The following SCRG1 variants were observed in gnomAD, a reference collection of about 807,000 sequenced individuals.
SCRG1 encodes stimulator of chondrogenesis 1.
Under a neutral mutation model 7.7 loss-of-function variants are expected in SCRG1, and 3 were observed. The ratio of observed to expected loss-of-function variants is 0.39; its 90% CI spans 0.18 to 1.01. SCRG1 has a LOEUF of 1.01. SCRG1 is among the 50% of genes least tolerant of loss of function. The probability of loss-of-function intolerance (pLI) is 0.36; values close to 1 mark genes in which losing one functional copy is unlikely to be tolerated. For synonymous variants in SCRG1, 46 were observed against 41.2 expected (o/e 1.12, Z -0.44); for missense variants, 110 against 117.2 (o/e 0.94, Z 0.28).
the SCRG1 span, among the ~76,000 whole-genome samples, chr4:173,447,683 G>GT: frequency 6.6e-6 from 1 of 151,994 alleles, no homozygotes; most frequent in South Asian, 2.1e-4. Flanking sequence ...CTCACTTTTA[G>GT]TTTCCAATTT....
At chr4:173,449,110 G>A in the SCRG1 span, among the ~76,000 whole-genome samples, 1 of 152,170 alleles carries the variant, frequency 6.6e-6, no homozygotes, top group African/African-American at 2.4e-5. Context: ...GGTCGTTTAG[G>A]CAATGTAGGA....
intron 1 of SCRG1, among the ~76,000 whole-genome samples, chr4:173,396,831 G>A (rs1423975151): frequency 6.6e-6 from 1 of 151,760 alleles, no homozygotes; most frequent in South Asian, 2.1e-4. Context: ...GAGGCGGGCA[G>A]ATCACGAGGT....
At chr4:173,390,472 G>GTT (rs1157046793) in intron 2 of SCRG1, among the ~76,000 whole-genome samples, 62 of 115,444 alleles carry the variant, frequency 5.4e-4, no homozygotes, top group African/African-American at 1.4e-3. Flanking sequence ...GTTGTTGTTC[G>GTT]TTTTTTTTTT....
chr4:173,461,789 T>C, the SCRG1 span, among the ~76,000 whole-genome samples: 1 of 152,084 alleles, frequency 6.6e-6, no homozygotes, highest in East Asian at 1.9e-4. Flanking sequence ...AAATTAGCTG[T>C]GTTGAGAAAA....
chr4:173,485,764 G>A, the SCRG1 span, among the ~76,000 whole-genome samples: 1 of 152,084 alleles, frequency 6.6e-6, no homozygotes, highest in African/African-American at 2.4e-5. Context: ...GAGGTCGTGA[G>A]TTTGAGACCA....
At chr4:173,401,559 C>T (rs1267910846), upstream of SCRG1, among the ~76,000 whole-genome samples, 2 of 152,130 alleles carry the variant, frequency 1.3e-5, no homozygotes, top group African/African-American at 4.8e-5. Context: ...TATTTTGTCT[C>T]CTTGTGTCTG....
At chr4:173,457,468 T>C in the SCRG1 span, among the ~76,000 whole-genome samples, 2 of 152,208 alleles carry the variant, frequency 1.3e-5, no homozygotes, top group African/African-American at 4.8e-5. Context: ...CCATATAACA[T>C]CAAAGAATTG....
chr4:173,435,066 A>T, the SCRG1 span, among the ~76,000 whole-genome samples: 1 of 152,092 alleles, frequency 6.6e-6, no homozygotes, highest in Admixed American at 6.5e-5. Context: ...CAGATTTAGG[A>T]TTCACTATTA....
chr4:173,481,294 T>G, the SCRG1 span, among the ~76,000 whole-genome samples: 1 of 152,268 alleles, frequency 6.6e-6, no homozygotes, highest in South Asian at 2.1e-4. Flanking sequence ...CAGTGAATGG[T>G]TTAAAGTGAA....
chr4:173,446,964 T>A, the SCRG1 span, among the ~76,000 whole-genome samples: 1 of 152,356 alleles, frequency 6.6e-6, no homozygotes, highest in African/African-American at 2.4e-5. Context: ...CTTCAAGGAA[T>A]GTTGCCAGTG....
chr4:173,425,642 G>A, the SCRG1 span, among the ~76,000 whole-genome samples: 686 of 152,278 alleles, frequency 4.5e-3, 4 homozygotes, highest in African/African-American at 0.016. Context: ...GAGACTCTCT[G>A]ATCAGCATGA....
At chr4:173,420,070 C>A in the SCRG1 span, 1 of 602,702 alleles carries the variant, frequency 1.7e-6, no homozygotes, top group South Asian at 1.4e-5. Flanking sequence ...ACCCTTTCAT[C>A]ATCTTCTAAA....
chr4:173,487,795 C>T, the SCRG1 span, among the ~76,000 whole-genome samples: 2 of 151,810 alleles, frequency 1.3e-5, no homozygotes, highest in Non-Finnish European at 2.9e-5. Context: ...TATTTTTCTC[C>T]TTTCTCCATA....
At chr4:173,485,004 A>ATATATAATATATTATATATT in the SCRG1 span, among the ~76,000 whole-genome samples, 1 of 9,418 alleles carries the variant, frequency 1.1e-4, no homozygotes, top group Non-Finnish European at 1.5e-4. Context: ...ATATATTATA[A>ATATATAATATATTATATATT]ATATAATATA....
At chr4:173,465,568 A>G in the SCRG1 span, among the ~76,000 whole-genome samples, 2 of 151,832 alleles carry the variant, frequency 1.3e-5, no homozygotes, top group African/African-American at 2.4e-5. Context: ...TATCATTCCT[A>G]TAATTAAGTT....
chr4:173,413,705 G>A, the SCRG1 span, among the ~76,000 whole-genome samples: 6 of 152,332 alleles, frequency 3.9e-5, no homozygotes, highest in Admixed American at 3.9e-4. Context: ...GGAATCATGT[G>A]AGTGGATGTG....
chr4:173,503,842 T>A, the SCRG1 span, among the ~76,000 whole-genome samples: 1 of 152,172 alleles, frequency 6.6e-6, no homozygotes, highest in South Asian at 2.1e-4. This position sits in a 1 kb window ranked among gnomAD's most constrained non-coding sequence, Gnocchi z 6.4. Context: ...TCCCAACAGC[T>A]TTTAGGAGGG....
the SCRG1 span, among the ~76,000 whole-genome samples, chr4:173,435,178 C>T: frequency 1.3e-5 from 2 of 151,942 alleles, no homozygotes; most frequent in Non-Finnish European, 2.9e-5. Flanking sequence ...GATTCAACTT[C>T]CCCTCCACCA....
chr4:173,409,109 A>G (rs1227197269), upstream of SCRG1, among the ~76,000 whole-genome samples: 2 of 152,068 alleles, frequency 1.3e-5, no homozygotes, highest in East Asian at 1.9e-4. Flanking sequence ...AGATTTCTCC[A>G]TTAGAAGCCT....
Sources: gnomAD v4.1 joint callset for allele counts (sites outside exome capture counted in the v4.1 genomes callset) on GRCh38, gnomAD v4.1.1 for gene constraint, Gnocchi (gnomAD v3.1) non-coding constraint, MANE v1.5 for transcripts, NCBI Gene and HGNC (gene_info 2026-07-23, HGNC 2026-07-21) for gene names.